TMEM233: variants seen among roughly 807,000 people sequenced by gnomAD.
TMEM233 encodes transmembrane protein 233, also known as dispanin subfamily B member 2.
Under a neutral mutation model 11.2 loss-of-function variants are expected in TMEM233, and 6 were observed. The observed-to-expected ratio is 0.54, with a 90% CI of 0.29 to 1.06. The LOEUF is 1.06. TMEM233 is among the 50% of genes least tolerant of loss of function. The pLI, the probability that TMEM233 is intolerant of heterozygous loss-of-function variation, is 0.08. For synonymous variants in TMEM233, 59 were observed against 55.8 expected (o/e 1.06, Z -0.26); for missense variants, 127 against 144.7 (o/e 0.88, Z 0.63).
chr12:119,607,678 G>A (rs1593283050), intron 1 of TMEM233, among the ~76,000 whole-genome samples: 1 of 151,134 alleles, frequency 6.6e-6, no homozygotes, highest in South Asian at 2.1e-4. Context: ...GTGCAAAAAT[G>A]GTTCACTGCA....
chr12:119,650,406 C>T, the TMEM233 span, among the ~76,000 whole-genome samples: 1 of 152,190 alleles, frequency 6.6e-6, no homozygotes, highest in African/African-American at 2.4e-5. Flanking sequence ...TCATTACACT[C>T]AATTAACTCC....
At chr12:119,598,490 TG>T (rs1954093633) in intron 1 of TMEM233, among the ~76,000 whole-genome samples, 1 of 152,196 alleles carries the variant, frequency 6.6e-6, no homozygotes, top group South Asian at 2.1e-4. Flanking sequence ...AATAGGTGTG[TG>T]GGGATTTGCC....
At chr12:119,605,924 G>A (rs1305542605) in intron 1 of TMEM233, among the ~76,000 whole-genome samples, 9 of 152,064 alleles carry the variant, frequency 5.9e-5, no homozygotes, top group Non-Finnish European at 1.3e-4. Context: ...TTTATGGAGA[G>A]AAAAAGCCCA....
At chr12:119,619,656 A>C (rs112032783) in intron 1 of TMEM233, among the ~76,000 whole-genome samples, 1 of 151,518 alleles carries the variant, frequency 6.6e-6, no homozygotes, top group Non-Finnish European at 1.5e-5. Context: ...AAAAAAAAAA[A>C]CACACTGACA....
chr12:119,630,775 T>C (rs905661213), intron 2 of TMEM233, among the ~76,000 whole-genome samples: 1 of 152,228 alleles, frequency 6.6e-6, no homozygotes, highest in African/African-American at 2.4e-5. Context: ...GGGTAGGAAA[T>C]GTGGGAGAAT....
intron 2 of TMEM233, among the ~76,000 whole-genome samples, chr12:119,637,520 T>C (rs1304522397): frequency 6.6e-6 from 1 of 152,242 alleles, no homozygotes; most frequent in Non-Finnish European, 1.5e-5. Context: ...GAGACATACA[T>C]ATCAAGGTGG....
chr12:119,636,884 G>A (rs887356415), intron 2 of TMEM233, among the ~76,000 whole-genome samples: 21 of 152,260 alleles, frequency 1.4e-4, no homozygotes, highest in African/African-American at 4.8e-4. Flanking sequence ...CAAGGAGGGC[G>A]CCCTACTGGA....
In TMEM233 at chr12:119,626,516, A is replaced by AG. The variant is rs1555266851; in HGVS notation, c.187-3218dup. Among the ~76,000 whole-genome samples, 230 of 83,906 alleles carry AG rather than the reference A, an allele frequency of 2.7e-3. 6 individuals carry two copies. Among genetic ancestry groups the AG allele is most frequent in the Middle Eastern group, 0.016 (3 of 186 alleles). 55.0% of individuals were successfully genotyped at this position (83,906 alleles called of 152,430 possible). A position where few individuals can be genotyped will look rare whatever the true frequency, so the allele number is the denominator to read the frequency against. On this transcript the variant is annotated intron_variant, in intron 1 of 2. Coordinates refer to ENST00000426426, the MANE Select transcript of TMEM233 (RefSeq NM_001136534.3). ...AAAAAGGAGGAGGAGGAGGAGGAGG[A>AG]GGAGAAGGGAGAAGGGAGAAGGGAG...
At chr12:119,603,184 TC>T (rs1314088482) in intron 1 of TMEM233, among the ~76,000 whole-genome samples, 1 of 151,950 alleles carries the variant, frequency 6.6e-6, no homozygotes, top group African/African-American at 2.4e-5. Context: ...GGCAGGAAAA[TC>T]ACTTGAGCCC....
chr12:119,594,065 G>C lies in TMEM233; in HGVS notation c.186+31G>C, dbSNP rs1452143449. 1 of 1,548,876 alleles carries C rather than the reference G, an allele frequency of 6.5e-7. No individual in the cohort carries two copies. ...TGAATCACGGCCAGAGGCAGCCTGG[G>C]AGGAGAGACCCGGGCGGCTTTGAGC... On this transcript the variant is annotated intron_variant, in intron 1 of 2. Coordinates refer to ENST00000426426, the MANE Select transcript of TMEM233 (RefSeq NM_001136534.3). The surrounding 1 kb of genome is among the most constrained non-coding windows in gnomAD (Gnocchi z 5.6).
rs1953977747 is a variant in TMEM233, at chr12:119,594,134, C to T, written c.186+100C>T. On this transcript the variant is annotated intron_variant, in intron 1 of 2. Transcript: ENST00000426426. The surrounding 1 kb of genome is among the most constrained non-coding windows in gnomAD (Gnocchi z 5.6). ...GCGCTCTCTGCGGCTCCCTTCCTCA[C>T]GGCCCGGCCCGCGCTAGGTGTTCTT... is the stretch of plus-strand genomic sequence containing the variant. The T allele has an allele frequency of 2.8e-5, 34 of 1,204,770 alleles. No individual in the cohort carries two copies. The South Asian group carries it at 3.1e-4, about 11-fold the overall frequency. 74.6% of individuals were successfully genotyped at this position (1,204,770 alleles called of 1,614,324 possible).
intron 2 of TMEM233, among the ~76,000 whole-genome samples, chr12:119,638,195 C>T (rs1233146355): frequency 1.3e-5 from 2 of 152,210 alleles, no homozygotes; most frequent in South Asian, 4.1e-4. Flanking sequence ...CACTGTAGTT[C>T]ATGCCTGAAA....
chr12:119,650,409 TTAACTCCCATAAATGATAAAC>T, the TMEM233 span, among the ~76,000 whole-genome samples: 1 of 152,214 alleles, frequency 6.6e-6, no homozygotes, highest in African/African-American at 2.4e-5. Flanking sequence ...TTACACTCAA[TTAACTCCCATAAATGATAAAC>T]TAACTCTCAG....
downstream of TMEM233, among the ~76,000 whole-genome samples, chr12:119,643,745 G>A (rs1329327474): frequency 6.6e-6 from 1 of 151,664 alleles, no homozygotes; most frequent in Non-Finnish European, 1.5e-5. Flanking sequence ...TCCAGCCTGG[G>A]CGACAGAGTG....
intron 1 of TMEM233, among the ~76,000 whole-genome samples, chr12:119,622,956 A>G (rs1054626718): frequency 6.6e-6 from 1 of 152,200 alleles, no homozygotes; most frequent in African/African-American, 2.4e-5. Flanking sequence ...GGAGGGTCAC[A>G]TACAAGATGC....
chr12:119,649,853 T>TCAAAAAA, the TMEM233 span, among the ~76,000 whole-genome samples: 1 of 10,420 alleles, frequency 9.6e-5, no homozygotes, highest in African/African-American at 5.1e-4. Flanking sequence ...TGTTTAACTA[T>TCAAAAAA]TAAAAAAAAA....
intron 1 of TMEM233, among the ~76,000 whole-genome samples, chr12:119,596,593 G>A (rs932164436): frequency 1.4e-5 from 2 of 142,074 alleles, no homozygotes; most frequent in Non-Finnish European, 3.0e-5. Context: ...CCGGGTTCAA[G>A]CGATCCTTCC....
intron 2 of TMEM233, among the ~76,000 whole-genome samples, chr12:119,640,280 A>G (rs7959425): frequency 0.77 from 116,189 of 151,842 alleles, 44,637 homozygotes; most frequent in Middle Eastern, 0.85. Flanking sequence ...TCAGCCTCCC[A>G]AGTAGCTGGG....
chr12:119,610,906 T>C (rs1954385015), intron 1 of TMEM233, among the ~76,000 whole-genome samples: 1 of 152,156 alleles, frequency 6.6e-6, no homozygotes, highest in South Asian at 2.1e-4. Context: ...ATTCTGGATA[T>C]TTCTTATAAA....
Sources: allele counts gnomAD v4.1 joint callset (sites outside exome capture counted in the v4.1 genomes callset), GRCh38; gene constraint gnomAD v4.1.1; non-coding constraint Gnocchi (gnomAD v3.1); transcripts MANE v1.5; gene names NCBI Gene and HGNC (gene_info 2026-07-23, HGNC 2026-07-21).